The following AGFG2 variants were observed in gnomAD, a reference collection of about 807,000 sequenced individuals.
AGFG2 encodes the protein arf-GAP domain and FG repeat-containing protein 2.
In AGFG2, 31 loss-of-function variants were observed where a neutral mutation model predicts 48.0. That is an observed-to-expected ratio of 0.65 (90% CI 0.49 to 0.87). The LOEUF (loss-of-function observed/expected upper bound fraction) is 0.87. Ranked by LOEUF, AGFG2 falls within the 40% of genes least tolerant of loss-of-function variation. AGFG2 has a pLI of 0.00. For missense variants in AGFG2, 599 were observed against 632.6 expected (o/e 0.95, Z 0.57); for synonymous variants, 229 against 260.8 (o/e 0.88, Z 1.18).
chr7:100,547,512 T>C (rs1800535872), intron 1 of AGFG2, among the ~76,000 whole-genome samples: 1 of 152,130 alleles, frequency 6.6e-6, no homozygotes, highest in African/African-American at 2.4e-5. Context: ...CAGTTTTGTT[T>C]AATCCAGTGA....
At chr7:100,563,639 A>G (rs1193896062) in intron 9 of AGFG2, among the ~76,000 whole-genome samples, 195 bp from the exon 10 acceptor site, 2 of 152,204 alleles carry the variant, frequency 1.3e-5, no homozygotes, top group Non-Finnish European at 1.5e-5. Flanking sequence ...CCTCCCTGCC[A>G]CGTACCCCCG....
intron 1 of AGFG2, 90 bp downstream of exon 1, chr7:100,539,657 G>A (rs1800384958): frequency 9.3e-7 from 1 of 1,073,056 alleles, no homozygotes; most frequent in Non-Finnish European, 1.2e-6. Context: ...CGAGGGAAGG[G>A]GGCCGAGGTG....
rs942088802 is a variant in AGFG2 at position 100,565,246 on chromosome 7, G to A, written c.*255G>A. ...CAGGGCCTGACCTGGAGGAGTGATGGTTGAGGGGGAGGGATTTTTTTCAAA... is the reference window on the plus strand; with the variant it reads ...CAGGGCCTGACCTGGAGGAGTGATGATTGAGGGGGAGGGATTTTTTTCAAA... On this transcript the variant is annotated 3_prime_UTR_variant, in exon 12 of 12. Transcript: ENST00000300176. The A allele has an allele frequency of 1.5e-4, 88 of 571,008 alleles. No homozygotes were observed. Among genetic ancestry groups the A allele is most frequent in the Middle Eastern group, 9.4e-4 (2 of 2,132 alleles). 35.4% of individuals were successfully genotyped at this position (571,008 alleles called of 1,614,324 possible).
At chr7:100,540,180 G>C (rs932423905) in intron 1 of AGFG2, among the ~76,000 whole-genome samples, 5 of 151,950 alleles carry the variant, frequency 3.3e-5, no homozygotes, top group Non-Finnish European at 7.4e-5. Context: ...GGCTGGAAGG[G>C]AGCCATGGTC....
At chr7:100,553,105 A>G (rs1481518204) in intron 3 of AGFG2, among the ~76,000 whole-genome samples, 4 of 152,002 alleles carry the variant, frequency 2.6e-5, no homozygotes, top group African/African-American at 4.8e-5. Context: ...TTGAGCCAAC[A>G]TTGCCCCACT....
At chr7:100,552,606 G>A (rs955560559) in intron 3 of AGFG2, among the ~76,000 whole-genome samples, 1 of 152,232 alleles carries the variant, frequency 6.6e-6, no homozygotes, top group Non-Finnish European at 1.5e-5. Flanking sequence ...GTGAGGTAGA[G>A]AAGAGAATGC....
chr7:100,539,449 G>A lies in AGFG2; in HGVS notation c.103G>A (p.Glu35Lys). ...GGAGGTGTGGTGCCGTCGGGTGCGG[G>A]AGCTGGGTGGCTGCAGCCAGGCCGG... ...ASEVWCRRVR[E>K]LGGCSQAGNR... Residue 35 changes from glutamate to lysine, a missense_variant, in exon 1 of 12, where the codon GAG becomes AAG. Transcript: ENST00000300176. 1 of 1,324,882 alleles carries A rather than the reference G, an allele frequency of 7.5e-7. No individual in the cohort carries two copies. Among genetic ancestry groups the A allele is most frequent in the Non-Finnish European group, 9.7e-7 (1 of 1,033,828 alleles). The allele number at this position is 1,324,882 out of a possible 1,614,324, so 82.1% of individuals were successfully genotyped here. A position where few individuals can be genotyped will look rare whatever the true frequency, so the allele number is the denominator to read the frequency against.
rs780470010 is a variant in AGFG2 at position 100,562,577 on chromosome 7, C to T, written c.999-17C>T. On this transcript the variant is annotated splice_polypyrimidine_tract_variant and intron_variant, in intron 7 of 11. Transcript: ENST00000300176. This position sits in a 1 kb window ranked among gnomAD's most constrained non-coding sequence, Gnocchi z 5.4. Reference sequence around the variant, plus strand: ...GCCCTGGCAGCTGTGTATGACTTCTCTCTCCCCGTGTTGTAGCCTCTTCGG... The same window carrying T: ...GCCCTGGCAGCTGTGTATGACTTCTTTCTCCCCGTGTTGTAGCCTCTTCGG... 19 of 1,613,402 alleles carry T rather than the reference C, an allele frequency of 1.2e-5. No homozygotes were observed. The highest frequency in any genetic ancestry group is 1.5e-5 in the Non-Finnish European group (18 of 1,179,904).
intron 1 of AGFG2, among the ~76,000 whole-genome samples, chr7:100,540,969 G>A (rs564696962): frequency 2.4e-4 from 33 of 138,720 alleles, no homozygotes; most frequent in Non-Finnish European, 3.3e-4. Context: ...CTGAGATTGC[G>A]CCACTGCACT....
Position 100,540,645 on chromosome 7 carries a change from A to C in AGFG2, c.221+1078A>C, listed in dbSNP as rs540807678. ...AGGCCTGGATCTCTGTTTTTTAATA[A>C]GTTTGTCAAGGGATTTATTTTGACA... On this transcript the variant is annotated intron_variant, in intron 1 of 11. Transcript: ENST00000300176. Among the ~76,000 whole-genome samples, 174 of 152,302 alleles carry C rather than the reference A, an allele frequency of 1.1e-3. 2 individuals carry two copies. In the South Asian group the frequency reaches 0.03, roughly 26 times the overall value.
intron 10 of AGFG2, 52 bp downstream of exon 10, chr7:100,564,014 A>G (rs1270951187): frequency 6.3e-7 from 1 of 1,591,474 alleles, no homozygotes. Flanking sequence ...CTCTGCATAG[A>G]GATCAGTTAG....
At chr7:100,553,142 C>T (rs555096497) in intron 3 of AGFG2, among the ~76,000 whole-genome samples, 1 of 152,206 alleles carries the variant, frequency 6.6e-6, no homozygotes, top group Non-Finnish European at 1.5e-5. Flanking sequence ...AACAGCGAGA[C>T]CCTGTCTCAA....
In AGFG2 at chr7:100,539,518, G is replaced by A; in HGVS notation, c.172G>A (p.Val58Met). ...GTGCGCCCAGCGCGGGGTCACCTAC[G>A]TGGATATCACCGTGGGCAGCTTCGT... Reference protein sequence around the residue: ...FECAQRGVTYVDITVGSFVCT... With the variant: ...FECAQRGVTYMDITVGSFVCT... Residue 58 changes from valine to methionine, a missense_variant, in exon 1 of 12, where the codon GTG (valine) becomes ATG (methionine). Val to Met is a conservative substitution (Grantham distance 21). Coordinates refer to ENST00000300176, the MANE Select transcript of AGFG2 (RefSeq NM_006076.5). The A allele has an allele frequency of 4.6e-6, 6 of 1,306,600 alleles. No homozygotes were observed. Among genetic ancestry groups the A allele is most frequent in the Non-Finnish European group, 5.9e-6 (6 of 1,020,150 alleles). The allele number at this position is 1,306,600 out of a possible 1,614,324, so 80.9% of individuals were successfully genotyped here.
intron 1 of AGFG2, among the ~76,000 whole-genome samples, chr7:100,544,557 T>TC (rs1800477892): frequency 6.6e-6 from 1 of 152,098 alleles, no homozygotes; most frequent in Admixed American, 6.6e-5. Context: ...TTTAGTCCCA[T>TC]CCCTCCATCC....
chr7:100,565,100 A>C lies in AGFG2; in HGVS notation c.*109A>C. 1 of 1,282,634 alleles carries C rather than the reference A, an allele frequency of 7.8e-7. No homozygotes were observed. Among genetic ancestry groups the C allele is most frequent in the Admixed American group, 1.7e-5 (1 of 58,080 alleles). 79.5% of individuals were successfully genotyped at this position (1,282,634 alleles called of 1,614,324 possible). A position where few individuals can be genotyped will look rare whatever the true frequency, so the allele number is the denominator to read the frequency against. The stretch of plus-strand genomic sequence containing the variant: ...TTTCTATGGGCCTTGGGGATGGTGG[A>C]GGTGCTAATGCTTTGCTTGGGGCCT... On this transcript the variant is annotated 3_prime_UTR_variant, in exon 12 of 12. Coordinates refer to ENST00000300176, the MANE Select transcript of AGFG2 (RefSeq NM_006076.5).
At position 100,565,153 on chromosome 7, in the gene AGFG2, T is replaced by G; in HGVS notation, c.*162T>G. On this transcript the variant is annotated 3_prime_UTR_variant, in exon 12 of 12. Coordinates refer to ENST00000300176, the MANE Select transcript of AGFG2 (RefSeq NM_006076.5). ...AGGTGAAAGGTGGCTGCCCTCAGAT[T>G]CCACAAAGCCTCTCTCCCCTCCCTC... 2.5e-6 allele frequency: 2 copies of G among 810,518 alleles called. No individual in the cohort carries two copies. Among genetic ancestry groups the G allele is most frequent in the Non-Finnish European group, 4.1e-6 (2 of 489,522 alleles). 50.2% of individuals were successfully genotyped at this position (810,518 alleles called of 1,614,324 possible). A position where few individuals can be genotyped will look rare whatever the true frequency, so the allele number is the denominator to read the frequency against.
rs1202494400 is a variant in AGFG2 at position 100,555,541 on chromosome 7, G to A, written c.752-69G>A. ...GCCCACCTCGGCCTCCCAAAGTGCT[G>A]GAATTACAGGCGTGAGCTACCACAC... On this transcript the variant is annotated intron_variant, in intron 5 of 11. Transcript: ENST00000300176. 4 of 1,553,066 alleles carry A rather than the reference G, an allele frequency of 2.6e-6. No homozygotes were observed. The African/African-American group carries it at 4.1e-5, about 16-fold the overall frequency.
At position 100,553,467 on chromosome 7, in the gene AGFG2, GTC is replaced by G. The variant is rs1562792942; in HGVS notation, c.559_560del (p.Val188CysfsTer36). 1.9e-6 allele frequency: 3 copies of G among 1,605,264 alleles called. No individual in the cohort carries two copies. Among genetic ancestry groups the G allele is most frequent in the African/African-American group, 2.7e-5 (2 of 74,716 alleles). ...LRTLLGDPAPSLSVAASTSSQ... is the reference protein window; with the variant it reads ...LRTLLGDPAPXLSVAASTSSQ... ...GGACACTTCTGGGTGATCCTGCACCGTCTCTCTCAGTTGCTGCCTCCACCTCG... is the reference window on the plus strand; with the variant it reads ...GGACACTTCTGGGTGATCCTGCACCGTCTCTCAGTTGCTGCCTCCACCTCG... On this transcript the variant is annotated frameshift_variant, in exon 4 of 12. Coordinates refer to ENST00000300176, the MANE Select transcript of AGFG2 (RefSeq NM_006076.5). LOFTEE classifies it high-confidence loss of function.
In AGFG2 at chr7:100,565,518, C is replaced by G. The variant is rs537229288; in HGVS notation, c.*527C>G. On this transcript the variant is annotated 3_prime_UTR_variant, in exon 12 of 12. Transcript: ENST00000300176. ...AAGGGGTCCCCCATTGTTTTGCTTC[C>G]CCAGCGCCCAGGATGAGCGGTTTAC... 1.3e-5 allele frequency: 2 copies of G among 154,188 alleles called. No homozygotes were observed. The highest frequency in any genetic ancestry group is 1.3e-4 in the Admixed American group (2 of 15,406). The allele number at this position is 154,188 out of a possible 1,614,324, so 9.6% of individuals were successfully genotyped here.
Sources: allele counts gnomAD v4.1 joint callset (sites outside exome capture counted in the v4.1 genomes callset), GRCh38; gene constraint gnomAD v4.1.1; non-coding constraint Gnocchi (gnomAD v3.1); transcripts MANE v1.5; gene names NCBI Gene and HGNC (gene_info 2026-07-23, HGNC 2026-07-21).